DYSF: variants seen among roughly 807,000 people sequenced by gnomAD.
The protein encoded by DYSF is dysferlin, also known as dystrophy-associated fer-1-like 1.
DYSF carries 212 observed loss-of-function variants against 274.9 expected under a neutral mutation model. The ratio of observed to expected loss-of-function variants is 0.77; its 90% CI spans 0.69 to 0.86. The LOEUF (loss-of-function observed/expected upper bound fraction) is 0.86, where lower values mean the gene tolerates loss of function less well. Among genes scored for constraint, DYSF ranks in the 40% least tolerant of loss-of-function variants. The probability of loss-of-function intolerance (pLI) is 0.00; values close to 1 mark genes in which losing one functional copy is unlikely to be tolerated. For missense variants in DYSF, 2,666 were observed against 2,783.2 expected (o/e 0.96, Z 0.95); for synonymous variants, 1,091 against 1,078.7 (o/e 1.01, Z -0.22).
Position 71,523,651 on chromosome 2 carries a change from AT to A in DYSF, c.1150-2567del, listed in dbSNP as rs1416306523. ...AACCTCCGCCTCCCGAGTTCAAGTG[AT>A]TCTCCTGCCTCAGCCTCCTGAGTAG... On this transcript the variant is annotated intron_variant, in intron 12 of 55. Transcript: ENST00000410020. Among the ~76,000 whole-genome samples the A allele has an allele frequency of 2.7e-5, 4 of 148,666 alleles. No homozygotes were observed. The East Asian group carries it at 8.0e-4, about 30-fold the overall frequency.
intron 18 of DYSF, 138 bp from the exon 19 acceptor site, chr2:71,551,469 C>A: frequency 1.4e-6 from 1 of 738,196 alleles, no homozygotes; most frequent in South Asian, 1.7e-5. Flanking sequence ...GCTTTCCTCA[C>A]CTGCAGGGGG....
intron 3 of DYSF, among the ~76,000 whole-genome samples, chr2:71,483,323 C>A (rs945306948): frequency 4.6e-5 from 7 of 152,170 alleles, no homozygotes; most frequent in African/African-American, 1.7e-4. Flanking sequence ...CTGTGGAAGG[C>A]AAGGCAGCCG....
chr2:71,484,521 T>C (rs7589349), intron 3 of DYSF, among the ~76,000 whole-genome samples: 84,637 of 152,012 alleles, frequency 0.56, 24,202 homozygotes, highest in Non-Finnish European at 0.6. Context: ...TAGCAACATT[T>C]CAATTCTACT....
At chr2:71,496,908 G>T (rs1342244834) in intron 3 of DYSF, among the ~76,000 whole-genome samples, 2 of 152,184 alleles carry the variant, frequency 1.3e-5, no homozygotes, top group Non-Finnish European at 2.9e-5. Flanking sequence ...CTTTCATGAT[G>T]CACTCATGGG....
At chr2:71,465,438 C>T (rs908813165), upstream of DYSF, among the ~76,000 whole-genome samples, 1 of 152,038 alleles carries the variant, frequency 6.6e-6, no homozygotes, top group Non-Finnish European at 1.5e-5. Flanking sequence ...CTAGGGGCAT[C>T]CGGGAGACAG....
At chr2:71,672,954 G>A (rs1245735799) in intron 51 of DYSF, among the ~76,000 whole-genome samples, 3 of 152,244 alleles carry the variant, frequency 2.0e-5, no homozygotes, top group African/African-American at 7.2e-5. Flanking sequence ...TCCTCACGGG[G>A]CAGGGGTCAT....
In DYSF at chr2:71,555,307, T is replaced by A. The variant is rs965826601; in HGVS notation, c.2110-658T>A. Reference sequence around the variant, plus strand: ...AGTTCTACGAGATTGGTAGTCCAAGTCCTGAGCACGTGTCCTTGCTCAGGA... The same window carrying A: ...AGTTCTACGAGATTGGTAGTCCAAGACCTGAGCACGTGTCCTTGCTCAGGA... On this transcript the variant is annotated intron_variant, in intron 21 of 55. Coordinates refer to ENST00000410020, the MANE Select transcript of DYSF (RefSeq NM_001130987.2). 9.2e-5 allele frequency among the ~76,000 whole-genome samples: 14 copies of A among 151,860 alleles called. No individual in the cohort carries two copies. In the East Asian group the frequency reaches 2.5e-3, roughly 27 times the overall value.
intron 41 of DYSF, among the ~76,000 whole-genome samples, chr2:71,621,941 G>A (rs1240145972): frequency 1.3e-5 from 2 of 152,108 alleles, no homozygotes; most frequent in Non-Finnish European, 2.9e-5. Flanking sequence ...TTACAGGCGT[G>A]AGCCACCACA....
chr2:71,516,146 C>T lies in DYSF; in HGVS notation c.889-34C>T, dbSNP rs115184725. ...CTCCCTGGCCTGAGGGATCAGCAGG[C>T]ACTGATATGTCTCTCTTTGCTCTGA... On this transcript the variant is annotated intron_variant, in intron 8 of 55. Coordinates refer to ENST00000410020, the MANE Select transcript of DYSF (RefSeq NM_001130987.2). 38,128 of 1,603,320 alleles carry T rather than the reference C, an allele frequency of 0.024. 556 individuals carry two copies. Among genetic ancestry groups the T allele is most frequent in the Middle Eastern group, 0.03 (182 of 6,038 alleles).
intron 16 of DYSF, among the ~76,000 whole-genome samples, chr2:71,537,365 C>T (rs980850271): frequency 5.3e-5 from 8 of 151,430 alleles, no homozygotes; most frequent in Non-Finnish European, 1.2e-4. Flanking sequence ...CCTGCCTCAG[C>T]CTCCCGAGTA....
intron 17 of DYSF, among the ~76,000 whole-genome samples, chr2:71,548,108 G>A (rs2152781603): frequency 6.6e-6 from 1 of 152,294 alleles, no homozygotes; most frequent in East Asian, 1.9e-4. Context: ...TGGAGATGAA[G>A]GTGACCATGA....
At chr2:71,579,910 G>A (rs1247329440) in intron 30 of DYSF, among the ~76,000 whole-genome samples, 3 of 152,162 alleles carry the variant, frequency 2.0e-5, no homozygotes, top group African/African-American at 7.2e-5. Context: ...GAATGACTCC[G>A]AGCCCTAATG....
intron 1 of DYSF, among the ~76,000 whole-genome samples, chr2:71,460,649 C>A (rs1214309521): frequency 6.6e-6 from 1 of 152,120 alleles, no homozygotes; most frequent in African/African-American, 2.4e-5. Flanking sequence ...CAGTGAACAT[C>A]AGCCAGACTA....
Position 71,526,224 on chromosome 2 carries a change from A to G in DYSF, c.1154A>G (p.Glu385Gly). 6.2e-7 allele frequency: 1 copy of G among 1,614,260 alleles called. No homozygotes were observed. The stretch of plus-strand genomic sequence containing the variant: ...CGTATTTGGTTTTCTTTGTAGCTGG[A>G]GAGAAAAGACCCCTCTGAAGACAAG... ...VLGPGDEAPL[E>G]RKDPSEDKED... The change falls in exon 13 of 56, where the codon GAG (glutamate) becomes GGG (glycine). Residue 385 changes from glutamate (E) to glycine (G), a missense_variant. Coordinates refer to ENST00000410020, the MANE Select transcript of DYSF (RefSeq NM_001130987.2).
At chr2:71,612,907 A>G in intron 39 of DYSF, 101 bp downstream of exon 39, 1 of 1,397,526 alleles carries the variant, frequency 7.2e-7, no homozygotes, top group South Asian at 1.4e-5. Context: ...TCTCTTACGG[A>G]GACCTGAATG....
intron 35 of DYSF, 162 bp from the exon 36 acceptor site, chr2:71,602,614 C>A: frequency 1.5e-6 from 1 of 682,786 alleles, no homozygotes; most frequent in Non-Finnish European, 2.6e-6. Flanking sequence ...TCATTCTTAC[C>A]CTTGGTGGGA....
chr2:71,482,246 G>A (rs1468908702), intron 3 of DYSF, among the ~76,000 whole-genome samples: 4 of 152,160 alleles, frequency 2.6e-5, no homozygotes, highest in African/African-American at 9.7e-5. Flanking sequence ...TGTGCCCCAG[G>A]GAGCAGGAAG....
At chr2:71,548,223 C>G (rs151224945) in intron 17 of DYSF, among the ~76,000 whole-genome samples, 3 of 152,204 alleles carry the variant, frequency 2.0e-5, no homozygotes, top group Non-Finnish European at 4.4e-5. Flanking sequence ...TGTCTTTGCC[C>G]TGTCCTCACT....
chr2:71,627,894 G>A (rs2094237276), intron 41 of DYSF, among the ~76,000 whole-genome samples: 1 of 151,918 alleles, frequency 6.6e-6, no homozygotes. Context: ...TGTTAATATA[G>A]CTACCCCAGC....
Sources: allele counts gnomAD v4.1 joint callset (sites outside exome capture counted in the v4.1 genomes callset), GRCh38; gene constraint gnomAD v4.1.1; transcripts MANE v1.5; gene names NCBI Gene and HGNC (gene_info 2026-07-23, HGNC 2026-07-21).